Variants in MAP3K1 observed in about 807,000 individuals in gnomAD.
MAP3K1 encodes the protein mitogen-activated protein kinase kinase kinase 1.
Under a neutral mutation model 144.2 loss-of-function variants are expected in MAP3K1, and 36 were observed. The ratio of observed to expected loss-of-function variants is 0.25; its 90% confidence interval spans 0.19 to 0.33. The LOEUF (loss-of-function observed/expected upper bound fraction) is 0.33. MAP3K1 is among the 10% of genes least tolerant of loss of function. The pLI is 1.00. For synonymous variants in MAP3K1, 718 were observed against 688.7 expected (o/e 1.04, Z -0.67); for missense variants, 1,650 against 1,881.9 (o/e 0.88, Z 2.28).
At chr5:56,891,832 A>G (rs745691556) in intron 19 of MAP3K1, among the ~76,000 whole-genome samples, 16 of 152,192 alleles carry the variant, frequency 1.1e-4, no homozygotes, top group Non-Finnish European at 2.1e-4. Context: ...TTTGTCAAAG[A>G]TCAGATGGTT....
intron 1 of MAP3K1, among the ~76,000 whole-genome samples, chr5:56,818,230 A>G (rs1012350673): frequency 1.3e-5 from 2 of 152,092 alleles, no homozygotes; most frequent in African/African-American, 2.4e-5. Flanking sequence ...AAGGGCTTGT[A>G]TCTTATTTGA....
intron 10 of MAP3K1, among the ~76,000 whole-genome samples, chr5:56,878,195 A>G (rs1748098904): frequency 1.3e-5 from 2 of 152,084 alleles, no homozygotes; most frequent in South Asian, 4.1e-4. Context: ...TTGTCCACTG[A>G]TTTTAAAAGC....
Position 56,887,402 on chromosome 5 carries a change from C to T in MAP3K1, c.4139C>T (p.Thr1380Ile). 6.2e-7 allele frequency: 1 copy of T among 1,614,164 alleles called. No individual in the cohort carries two copies. The highest frequency in any genetic ancestry group is 8.5e-7 in the Non-Finnish European group (1 of 1,180,026). The change falls in exon 18 of 20, where the codon ACT (threonine) becomes ATT (isoleucine). Residue 1380 changes from threonine (T) to isoleucine (I), a missense_variant. Physicochemically the swap from Thr to Ile is moderately conservative, Grantham distance 89. Coordinates refer to ENST00000399503, the MANE Select transcript of MAP3K1 (RefSeq NM_005921.2). ...GGTGCCAATTTGCTAATTGACAGCA[C>T]TGGTCAGAGACTAAGAATTGCAGAT... ...VKGANLLIDSTGQRLRIADFG... is the reference protein window; with the variant it reads ...VKGANLLIDSIGQRLRIADFG...
At chr5:56,856,805 A>G (rs966713393) in intron 2 of MAP3K1, 55 bp downstream of exon 2, 2 of 1,572,998 alleles carry the variant, frequency 1.3e-6, no homozygotes, top group Non-Finnish European at 1.7e-6. Context: ...GGAAATGGAA[A>G]AGTAAGCATA....
chr5:56,889,201 C>T lies in MAP3K1; in HGVS notation c.4389+844C>T, dbSNP rs111959075. ...TTTTTGTTTTTGAGACAGAGTCTCG[C>T]TGCAGTGCCCAGGCTGGAGTGCAGT... is the stretch of plus-strand genomic sequence containing the variant. On this transcript the variant is annotated intron_variant, in intron 19 of 19. Coordinates refer to ENST00000399503, the MANE Select transcript of MAP3K1 (RefSeq NM_005921.2). Among the ~76,000 whole-genome samples the T allele has an allele frequency of 7.3e-3, 1,116 of 152,312 alleles. 13 individuals are homozygous for T. Among genetic ancestry groups the T allele is most frequent in the African/African-American group, 0.025 (1,057 of 41,566 alleles).
At chr5:56,857,596 T>C (rs1477975311) in intron 2 of MAP3K1, among the ~76,000 whole-genome samples, 2 of 152,198 alleles carry the variant, frequency 1.3e-5, no homozygotes, top group Non-Finnish European at 2.9e-5. Flanking sequence ...CATATGCCTA[T>C]TTAAGTTTAC....
At chr5:56,838,238 A>G (rs552405505) in intron 1 of MAP3K1, among the ~76,000 whole-genome samples, 1 of 63,918 alleles carries the variant, frequency 1.6e-5, no homozygotes, top group South Asian at 5.2e-4. Flanking sequence ...ATGGAGTAAT[A>G]CAATTTGTGT....
At chr5:56,820,351 A>G (rs1342348419) in intron 1 of MAP3K1, 2 of 843,184 alleles carry the variant, frequency 2.4e-6, no homozygotes, top group African/African-American at 1.8e-5. Flanking sequence ...TGCTTCTTCC[A>G]TTTTCTTTTT....
At chr5:56,860,998 A>AT (rs140516730) in intron 3 of MAP3K1, among the ~76,000 whole-genome samples, 3,362 of 152,328 alleles carry the variant, frequency 0.022, 122 homozygotes, top group African/African-American at 0.077. Context: ...GACTTTTCTG[A>AT]TAAGATTGGT....
At chr5:56,825,887 C>CT (rs1297005790) in intron 1 of MAP3K1, among the ~76,000 whole-genome samples, 1 of 152,178 alleles carries the variant, frequency 6.6e-6, no homozygotes, top group Non-Finnish European at 1.5e-5. Context: ...CTTCTGCTCA[C>CT]TTTCAGCAGC....
intron 1 of MAP3K1, among the ~76,000 whole-genome samples, chr5:56,824,028 T>C (rs1465001878): frequency 6.6e-6 from 1 of 152,238 alleles, no homozygotes; most frequent in African/African-American, 2.4e-5. Flanking sequence ...TTTTTAGAAT[T>C]CTTATCTGAT....
intron 2 of MAP3K1, among the ~76,000 whole-genome samples, chr5:56,857,130 T>C (rs904069668): frequency 2.6e-5 from 4 of 152,196 alleles, no homozygotes; most frequent in Admixed American, 2.0e-4. Flanking sequence ...AGAAATCTTC[T>C]AGGAAAGAAA....
At position 56,882,357 on chromosome 5, in the gene MAP3K1, C is replaced by T. The variant is rs1296589060; in HGVS notation, c.3157C>T (p.Pro1053Ser). ...AGTCTTTACTCAGTCAAGACCCTTGCCCTCCAGTAACATACACAGGCCAAA... is the reference window on the plus strand; with the variant it reads ...AGTCTTTACTCAGTCAAGACCCTTGTCCTCCAGTAACATACACAGGCCAAA... ...SPVFTQSRPL[P>S]SSNIHRPKPS... is the part of the protein sequence containing the mutation. Residue 1053 changes from proline (P) to serine (S), a missense_variant, in exon 14 of 20, where the codon CCC becomes TCC. Pro to Ser is a moderately conservative substitution (Grantham distance 74). Around this residue, in one of 6 missense-constraint regions of MAP3K1, gnomAD observed 841 missense variants for 886.5 expected, o/e 0.95. Transcript: ENST00000399503. 1 of 1,614,038 alleles carries T rather than the reference C, an allele frequency of 6.2e-7. No homozygotes were observed. The highest frequency in any genetic ancestry group is 1.3e-5 in the African/African-American group (1 of 74,926).
chr5:56,843,461 T>G, intron 1 of MAP3K1, among the ~76,000 whole-genome samples: 1 of 152,252 alleles, frequency 6.6e-6, no homozygotes, highest in East Asian at 1.9e-4. Flanking sequence ...CCCATTTATT[T>G]TATTTTGTAT....
At chr5:56,823,968 T>G (rs1746232949) in intron 1 of MAP3K1, among the ~76,000 whole-genome samples, 1 of 152,138 alleles carries the variant, frequency 6.6e-6, no homozygotes, top group Non-Finnish European at 1.5e-5. Flanking sequence ...ATTAATATAA[T>G]TATTCTTATT....
chr5:56,830,225 C>G (rs1016972723), intron 1 of MAP3K1, among the ~76,000 whole-genome samples: 1 of 152,144 alleles, frequency 6.6e-6, no homozygotes, highest in East Asian at 1.9e-4. Flanking sequence ...ACAGATTTTG[C>G]AGATTATAAT....
At chr5:56,842,283 A>T (rs1260584867) in intron 1 of MAP3K1, 3 of 152,372 alleles carry the variant, frequency 2.0e-5, no homozygotes, top group Admixed American at 6.5e-5. Flanking sequence ...AAAAGAAGTT[A>T]TAATAACAGC....
At chr5:56,827,024 A>T (rs1338529775) in intron 1 of MAP3K1, among the ~76,000 whole-genome samples, 2 of 152,190 alleles carry the variant, frequency 1.3e-5, no homozygotes, top group Non-Finnish European at 2.9e-5. Flanking sequence ...GTCCCGATAA[A>T]CGTGGAGGAA....
intron 1 of MAP3K1, among the ~76,000 whole-genome samples, chr5:56,823,880 A>T (rs1250543814): frequency 6.6e-6 from 1 of 152,200 alleles, no homozygotes; most frequent in Admixed American, 6.5e-5. Flanking sequence ...GGGAGTTAAG[A>T]GTGCGTGTGT....
Sources: allele counts gnomAD v4.1 joint callset (sites outside exome capture counted in the v4.1 genomes callset), GRCh38; gene constraint gnomAD v4.1.1; regional missense constraint gnomAD v4.1.1; transcripts MANE v1.5; gene names NCBI Gene and HGNC (gene_info 2026-07-23, HGNC 2026-07-21).